The following IL1RL1 variants were observed in gnomAD, a reference collection of about 807,000 sequenced individuals.
IL1RL1 encodes the protein interleukin 1 receptor like 1.
In IL1RL1, 32 loss-of-function variants were observed where a neutral mutation model predicts 50.9. The ratio of observed to expected loss-of-function variants is 0.63; its 90% CI spans 0.47 to 0.84. The LOEUF (loss-of-function observed/expected upper bound fraction) is 0.84. Ranked by LOEUF, IL1RL1 falls within the 40% of genes least tolerant of loss-of-function variation. IL1RL1 has a pLI of 0.00. For synonymous variants in IL1RL1, 275 were observed against 236.0 expected (o/e 1.17, Z -1.51); for missense variants, 773 against 662.9 (o/e 1.17, Z -1.82).
At chr2:102,343,901 C>T in intron 8 of IL1RL1, 1 of 996,442 alleles carries the variant, frequency 1.0e-6, no homozygotes, top group Non-Finnish European at 1.2e-6. Context: ...AAACTACTGC[C>T]ATTTCAGTGA....
intron 1 of IL1RL1, among the ~76,000 whole-genome samples, chr2:102,328,649 A>G (rs1420475934): frequency 2.6e-5 from 4 of 152,226 alleles, no homozygotes; most frequent in African/African-American, 9.7e-5. Flanking sequence ...GCAAAGTCTC[A>G]GGATAAAAAA....
In IL1RL1 at chr2:102,340,098, T is replaced by C. The variant is rs751139965; in HGVS notation, c.273T>C (p.Ser91=). ...DSGIYTCIVR[S]PTFNRTGYAN... ...TTAATTGTCTGACTTATTTTAACAG[T>C]CCCACATTCAATAGGACTGGATATG... The change falls in exon 4 of 11, where the codon AGT becomes AGC. Residue 91 remains serine (S), a splice_region_variant and synonymous_variant. Transcript: ENST00000233954. 6 of 1,509,414 alleles carry C rather than the reference T, an allele frequency of 4.0e-6. No homozygotes were observed. Among genetic ancestry groups the C allele is most frequent in the African/African-American group, 2.8e-5 (2 of 70,686 alleles). The allele number at this position is 1,509,414 out of a possible 1,614,324, so 93.5% of individuals were successfully genotyped here.
rs545075452 is a variant in IL1RL1, at chr2:102,351,708, C to A, written c.1458C>A (p.Ser486Arg). Residue 486 changes from serine to arginine, a missense_variant, in exon 11 of 11, where the codon AGC (serine) becomes AGA (arginine). Ser to Arg is a moderately radical substitution (Grantham distance 110, BLOSUM62 -1). Transcript: ENST00000233954. Reference sequence around the variant, plus strand: ...TACTTATTGAGATGGAGGCTCTGAGCGAGCTGGACATGCTGCAGGCTGAGG... The same window carrying A: ...TACTTATTGAGATGGAGGCTCTGAGAGAGCTGGACATGCTGCAGGCTGAGG... ...KVILIEMEAL[S>R]ELDMLQAEAL... 5 of 1,614,078 alleles carry A rather than the reference C, an allele frequency of 3.1e-6. No homozygotes were observed. The highest frequency in any genetic ancestry group is 1.1e-5 in the South Asian group (1 of 91,082).
intron 1 of IL1RL1, among the ~76,000 whole-genome samples, chr2:102,322,718 T>A (rs1030784447): frequency 2.0e-5 from 3 of 152,214 alleles, no homozygotes; most frequent in African/African-American, 4.8e-5. Context: ...GATTCAGCAA[T>A]CATATCCCCC....
At chr2:102,339,157 T>A in intron 3 of IL1RL1, 110 bp downstream of exon 3, 1 of 723,810 alleles carries the variant, frequency 1.4e-6, no homozygotes, top group Non-Finnish European at 2.4e-6. Flanking sequence ...TCTGGAACAG[T>A]TAAATTTATA....
intron 3 of IL1RL1, 64 bp from the exon 4 acceptor site, chr2:102,340,034 A>T (rs1249093783): frequency 9.3e-6 from 9 of 963,388 alleles, no homozygotes; most frequent in East Asian, 5.8e-5. Context: ...GTAAAGGCTG[A>T]ATTTAGATTA....
Position 102,338,824 on chromosome 2 carries a change from C to T in IL1RL1, c.62-13C>T, listed in dbSNP as rs868384935. The T allele has an allele frequency of 6.3e-7, 1 of 1,575,770 alleles. No individual in the cohort carries two copies. The highest frequency in any genetic ancestry group is 1.7e-4 in the Middle Eastern group (1 of 5,956). On this transcript the variant is annotated splice_polypyrimidine_tract_variant and intron_variant, in intron 2 of 10. Transcript: ENST00000233954. ...GATCATTTCAGGATTGTCTTTATAT[C>T]TTTTATTTGCAGGTAAACAATCATG...
intron 1 of IL1RL1, among the ~76,000 whole-genome samples, chr2:102,312,606 G>T (rs1236468901): frequency 6.6e-6 from 1 of 152,072 alleles, no homozygotes; most frequent in Non-Finnish European, 1.5e-5. Context: ...TGGCCAAAAG[G>T]GGTGAGGAAG....
chr2:102,333,937 T>C (rs1677239904), intron 1 of IL1RL1, among the ~76,000 whole-genome samples: 1 of 152,192 alleles, frequency 6.6e-6, no homozygotes, highest in African/African-American at 2.4e-5. Flanking sequence ...GGCTGAATAG[T>C]AATCCGTGGT....
At chr2:102,329,669 G>T (rs1354026457) in intron 1 of IL1RL1, among the ~76,000 whole-genome samples, 1 of 152,158 alleles carries the variant, frequency 6.6e-6, no homozygotes, top group African/African-American at 2.4e-5. Flanking sequence ...CCATCAAAAA[G>T]TGGGCAAAGG....
At chr2:102,326,093 A>C (rs1676989897) in intron 1 of IL1RL1, among the ~76,000 whole-genome samples, 1 of 152,244 alleles carries the variant, frequency 6.6e-6, no homozygotes, top group African/African-American at 2.4e-5. Context: ...TGTTAAGGGC[A>C]GCCAGAGAGA....
chr2:102,324,891 GGCCT>G (rs1182683376), intron 1 of IL1RL1, among the ~76,000 whole-genome samples: 4 of 152,232 alleles, frequency 2.6e-5, no homozygotes, highest in African/African-American at 7.2e-5. Context: ...AGCTCAAGGA[GGCCT>G]GCCTGCCTCT....
At chr2:102,312,468 C>T (rs1676546465) in intron 1 of IL1RL1, among the ~76,000 whole-genome samples, 2 of 151,814 alleles carry the variant, frequency 1.3e-5, no homozygotes, top group South Asian at 2.1e-4. Context: ...AGGATGGGAG[C>T]TTTATAGTAT....
Position 102,351,709 on chromosome 2 carries a change from G to T in IL1RL1, c.1459G>T (p.Glu487Ter), listed in dbSNP as rs372144350. 2.5e-6 allele frequency: 4 copies of T among 1,614,104 alleles called. No individual in the cohort carries two copies. The highest frequency in any genetic ancestry group is 4.5e-5 in the East Asian group (2 of 44,876). ...ACTTATTGAGATGGAGGCTCTGAGC[G>T]AGCTGGACATGCTGCAGGCTGAGGC... ...VILIEMEALS[E>*]LDMLQAEALQ... The change falls in exon 11 of 11, where the codon GAG (glutamate) becomes TAG (stop). Residue 487 changes from glutamate to a stop codon, truncating the protein, a stop_gained. Transcript: ENST00000233954. LOFTEE classifies it low-confidence loss of function (END_TRUNC).
At chr2:102,320,273 C>A (rs1372860988) in intron 1 of IL1RL1, among the ~76,000 whole-genome samples, 2 of 152,122 alleles carry the variant, frequency 1.3e-5, no homozygotes, top group Admixed American at 1.3e-4. Flanking sequence ...TCACTTCATG[C>A]CAGATGCTCA....
chr2:102,344,531 C>A, intron 8 of IL1RL1: 1 of 220,168 alleles, frequency 4.5e-6, no homozygotes, highest in Non-Finnish European at 7.7e-6. Flanking sequence ...ACTCTTGTAG[C>A]ATCCTGTTTG....
Position 102,343,349 on chromosome 2 carries a change from G to T in IL1RL1, c.904G>T (p.Asp302Tyr). ...VKEEDLLLQY[D>Y]CLALNLHGLR... The stretch of plus-strand genomic sequence containing the variant: ...GGAAGAGGATTTATTGCTGCAGTAC[G>T]ACTGTCTGGCCCTGAATTTGCATGG... The change falls in exon 8 of 11, where the codon GAC (aspartate) becomes TAC (tyrosine). Residue 302 changes from aspartate to tyrosine, a missense_variant. By Grantham distance (160) the Asp-to-Tyr change is radical. Transcript: ENST00000233954. 2 of 1,614,198 alleles carry T rather than the reference G, an allele frequency of 1.2e-6. No individual in the cohort carries two copies. Among genetic ancestry groups the T allele is most frequent in the South Asian group, 1.1e-5 (1 of 91,086 alleles).
At chr2:102,314,662 G>C (rs1016803799) in intron 1 of IL1RL1, among the ~76,000 whole-genome samples, 2 of 152,212 alleles carry the variant, frequency 1.3e-5, no homozygotes, top group Admixed American at 1.3e-4. Flanking sequence ...CCCTGTCATA[G>C]GTGAGTGACA....
Position 102,342,232 on chromosome 2 carries a change from G to A in IL1RL1, c.620G>A (p.Gly207Asp). Residue 207 changes from glycine (G) to aspartate (D), a missense_variant, in exon 6 of 11, where the codon GGC (glycine) becomes GAC (aspartate). Gly to Asp is a moderately conservative substitution (Grantham distance 94). Coordinates refer to ENST00000233954, the MANE Select transcript of IL1RL1 (RefSeq NM_016232.5). The stretch of plus-strand genomic sequence containing the variant: ...TCTTTTTGTCTTTAAGATGAGCAAG[G>A]CTTTTCTCTGTTTCCAGTAATCGGA... ...TRSFTVKDEQ[G>D]FSLFPVIGAP... The A allele has an allele frequency of 1.2e-6, 2 of 1,609,360 alleles. No individual in the cohort carries two copies. The highest frequency in any genetic ancestry group is 1.7e-6 in the Non-Finnish European group (2 of 1,175,986).
Sources: allele counts gnomAD v4.1 joint callset (sites outside exome capture counted in the v4.1 genomes callset), GRCh38; gene constraint gnomAD v4.1.1; transcripts MANE v1.5; gene names NCBI Gene and HGNC (gene_info 2026-07-23, HGNC 2026-07-21).